The following EML4 variants were observed in gnomAD, a reference collection of about 807,000 sequenced individuals.
The protein encoded by EML4 is echinoderm microtubule-associated protein-like 4.
Under a neutral mutation model 129.0 loss-of-function variants are expected in EML4, and 72 were observed. The observed-to-expected ratio is 0.56, with a 90% CI of 0.46 to 0.68. The LOEUF is 0.68. EML4 is among the 30% of genes least tolerant of loss of function. EML4 has a pLI of 0.00. For missense variants in EML4, 1,363 were observed against 1,190.6 expected, an observed-to-expected ratio of 1.14 and a Z score of -2.13; for synonymous variants, 532 against 405.0, an observed-to-expected ratio of 1.31 and a Z score of -3.77.
At chr2:42,325,405 G>T in intron 19 of EML4, 62 bp from the exon 20 acceptor site, 2 of 766,682 alleles carry the variant, frequency 2.6e-6, no homozygotes, top group Non-Finnish European at 2.3e-6. Flanking sequence ...TTGGCTAGCT[G>T]TTGAACTGTT....
Position 42,245,543 on chromosome 2 carries a change from G to T in EML4, c.64G>T (p.Asp22Tyr). ...ISAASTSDVQ[D>Y]RLSALESRVQ... ...TGCTGCAAGTACTTCTGATGTTCAA[G>T]ATCGCCTGTCAGCTCTTGAGTCACG... The change falls in exon 2 of 23, where the codon GAT (aspartate) becomes TAT (tyrosine). Residue 22 changes from aspartate (D) to tyrosine (Y), a missense_variant. Transcript: ENST00000318522. 6.2e-7 allele frequency: 1 copy of T among 1,613,736 alleles called. No homozygotes were observed. The highest frequency in any genetic ancestry group is 2.2e-5 in the East Asian group (1 of 44,848).
intron 1 of EML4, among the ~76,000 whole-genome samples, chr2:42,178,888 TTA>T (rs916102491): frequency 1.3e-5 from 2 of 152,178 alleles, no homozygotes; most frequent in African/African-American, 4.8e-5. Context: ...ACTTTAAAAT[TTA>T]TATGATTGTT....
chr2:42,256,930 A>G (rs1676191106), intron 3 of EML4, among the ~76,000 whole-genome samples: 2 of 152,228 alleles, frequency 1.3e-5, no homozygotes, highest in Non-Finnish European at 1.5e-5. Context: ...CTATATTTAA[A>G]GAAATTATAT....
At chr2:42,251,182 TG>T (rs1251990233) in intron 2 of EML4, among the ~76,000 whole-genome samples, 1 of 152,212 alleles carries the variant, frequency 6.6e-6, no homozygotes, top group Non-Finnish European at 1.5e-5. Flanking sequence ...TGGGGACCCC[TG>T]GTATAGTCTG....
At chr2:42,293,525 T>C (rs925211287) in intron 11 of EML4, among the ~76,000 whole-genome samples, 2 of 152,212 alleles carry the variant, frequency 1.3e-5, no homozygotes, top group Admixed American at 1.3e-4. Flanking sequence ...AAAAAAGAAT[T>C]TACAACAACC....
At chr2:42,218,844 T>G (rs1314441455) in intron 1 of EML4, among the ~76,000 whole-genome samples, 1 of 152,182 alleles carries the variant, frequency 6.6e-6, no homozygotes, top group Non-Finnish European at 1.5e-5. Flanking sequence ...TTTTTAATTT[T>G]AAAGAGAGGG....
In EML4 at chr2:42,195,882, A is replaced by G. The variant is rs146567711; in HGVS notation, c.25+26246A>G. Among the ~76,000 whole-genome samples, 53 of 152,300 alleles carry G rather than the reference A, an allele frequency of 3.5e-4. 1 individual carries two copies. The South Asian group carries it at 5.8e-3, about 17-fold the overall frequency. ...GTGTTATTAAAGTTAATTATTTTTC[A>G]ATAACTGAATTCCCTGTGGAACCTA... On this transcript the variant is annotated intron_variant, in intron 1 of 22. Coordinates refer to ENST00000318522, the MANE Select transcript of EML4 (RefSeq NM_019063.5).
intron 3 of EML4, among the ~76,000 whole-genome samples, 193 bp from the exon 4 acceptor site, chr2:42,260,928 A>G (rs1414112746): frequency 6.6e-6 from 1 of 152,210 alleles, no homozygotes; most frequent in Non-Finnish European, 1.5e-5. Flanking sequence ...GAATTTTTAT[A>G]AATTCTTTAC....
chr2:42,265,669 C>T (rs1412188117), intron 6 of EML4, among the ~76,000 whole-genome samples: 2 of 106,256 alleles, frequency 1.9e-5, no homozygotes, highest in Admixed American at 8.3e-5. Flanking sequence ...AAAGTTTTAC[C>T]TAGAAATAAA....
At chr2:42,296,359 G>A (rs1667952436) in intron 13 of EML4, among the ~76,000 whole-genome samples, 1 of 152,150 alleles carries the variant, frequency 6.6e-6, no homozygotes, top group Admixed American at 6.5e-5. Context: ...TAAGAAAGGA[G>A]GTAATGGGGA....
chr2:42,329,214 T>C (rs549531492), intron 22 of EML4, among the ~76,000 whole-genome samples, 198 bp downstream of exon 22: 7 of 152,356 alleles, frequency 4.6e-5, no homozygotes, highest in Admixed American at 4.6e-4. Context: ...AGAAGTGAGC[T>C]GTAGAAATGA....
intron 6 of EML4, among the ~76,000 whole-genome samples, chr2:42,267,780 T>C (rs1302227933): frequency 1.3e-5 from 2 of 152,220 alleles, no homozygotes; most frequent in Non-Finnish European, 2.9e-5. Flanking sequence ...TATATGTTTA[T>C]ACCCTGAAAC....
chr2:42,267,192 C>G (rs1185832769), intron 6 of EML4, among the ~76,000 whole-genome samples: 1 of 152,106 alleles, frequency 6.6e-6, no homozygotes, highest in Non-Finnish European at 1.5e-5. Context: ...AAAGTGTACC[C>G]AGTACCTGAC....
intron 1 of EML4, among the ~76,000 whole-genome samples, chr2:42,195,125 A>G (rs540887639): frequency 3.3e-5 from 5 of 152,220 alleles, no homozygotes; most frequent in African/African-American, 1.2e-4. Flanking sequence ...TACCTTCGGG[A>G]TCCAGTTAAC....
chr2:42,313,778 A>G (rs1468302551), intron 17 of EML4, among the ~76,000 whole-genome samples: 1 of 151,796 alleles, frequency 6.6e-6, no homozygotes, highest in Non-Finnish European at 1.5e-5. Context: ...AAATACAGAA[A>G]ATTATCTGGG....
At position 42,171,998 on chromosome 2, in the gene EML4, T is replaced by C. The variant is rs1221676474; in HGVS notation, c.25+2362T>C. On this transcript the variant is annotated intron_variant, in intron 1 of 22. Coordinates refer to ENST00000318522, the MANE Select transcript of EML4 (RefSeq NM_019063.5). ...CTTAGAGTTACATTGATCTTTATTTTACCATCAGGAGAGCCATGAATATAA... is the reference window on the plus strand; with the variant it reads ...CTTAGAGTTACATTGATCTTTATTTCACCATCAGGAGAGCCATGAATATAA... Among the ~76,000 whole-genome samples, 5 of 152,186 alleles carry C rather than the reference T, an allele frequency of 3.3e-5. 1 individual carries two copies. The highest frequency in any genetic ancestry group is 1.2e-4 in the African/African-American group (5 of 41,452).
chr2:42,185,581 C>T (rs1174220888), intron 1 of EML4, among the ~76,000 whole-genome samples: 1 of 152,134 alleles, frequency 6.6e-6, no homozygotes, highest in Non-Finnish European at 1.5e-5. Context: ...CTGAACATAG[C>T]ATGGGGTCAT....
intron 1 of EML4, among the ~76,000 whole-genome samples, chr2:42,195,248 A>G (rs1205325936): frequency 6.6e-6 from 1 of 152,204 alleles, no homozygotes; most frequent in African/African-American, 2.4e-5. Flanking sequence ...ATGCTACCAG[A>G]TAAAACATTA....
At chr2:42,188,087 T>G (rs1412860370) in intron 1 of EML4, among the ~76,000 whole-genome samples, 2 of 152,182 alleles carry the variant, frequency 1.3e-5, no homozygotes, top group African/African-American at 2.4e-5. Flanking sequence ...TCGGAAAGAT[T>G]AGCCTTTTTC....
Sources: gnomAD v4.1 joint callset for allele counts (sites outside exome capture counted in the v4.1 genomes callset) on GRCh38, gnomAD v4.1.1 for gene constraint, MANE v1.5 for transcripts, NCBI Gene and HGNC (gene_info 2026-07-23, HGNC 2026-07-21) for gene names.